CPPED1: variants seen among roughly 807,000 people sequenced by gnomAD.
CPPED1 encodes calcineurin like phosphoesterase domain containing 1.
In CPPED1, 28 loss-of-function variants were observed where a neutral mutation model predicts 28.0. The observed-to-expected ratio is 1.00, with a 90% CI of 0.74 to 1.37. The LOEUF is 1.37. Ranked by LOEUF, CPPED1 falls within the 40% of genes most tolerant of loss-of-function variation. The probability of loss-of-function intolerance (pLI) is 0.00; values close to 1 mark genes in which losing one functional copy is unlikely to be tolerated. For synonymous variants in CPPED1, 198 were observed against 180.2 expected (o/e 1.10, Z -0.79); for missense variants, 504 against 416.5 (o/e 1.21, Z -1.83).
chr16:12,741,302 T>C (rs1400322707), intron 2 of CPPED1, among the ~76,000 whole-genome samples: 3 of 14,586 alleles, frequency 2.1e-4, no homozygotes, highest in Non-Finnish European at 6.5e-4. Flanking sequence ...TGGCTGCCCT[T>C]TTTTTTTTTT....
At chr16:12,742,211 A>G (rs1035938954) in intron 2 of CPPED1, among the ~76,000 whole-genome samples, 3 of 152,220 alleles carry the variant, frequency 2.0e-5, no homozygotes, top group African/African-American at 7.2e-5. Flanking sequence ...TCTTTAACAC[A>G]CTGTAATCAC....
chr16:12,766,875 T>C (rs373513109), intron 2 of CPPED1, among the ~76,000 whole-genome samples: 3 of 152,172 alleles, frequency 2.0e-5, no homozygotes, highest in East Asian at 1.9e-4. Flanking sequence ...CAGACTGCCA[T>C]AGCCGATTTG....
rs2080037041 is a variant in CPPED1 at position 12,704,479 on chromosome 16, C to T, written c.715+145G>A. 5.1e-6 allele frequency: 4 copies of T among 784,978 alleles called. No homozygotes were observed. The East Asian group carries it at 1.0e-4, about 20-fold the overall frequency. 48.6% of individuals were successfully genotyped at this position (784,978 alleles called of 1,614,324 possible). ...AGGATTAACTAGCCAGACATGCAGTCTGCAAGTCCAAGAGCTGGTATCAGA... is the reference window on the plus strand; with the variant it reads ...AGGATTAACTAGCCAGACATGCAGTTTGCAAGTCCAAGAGCTGGTATCAGA... On this transcript the variant is annotated intron_variant, in intron 3 of 3. Transcript: ENST00000381774.
At chr16:12,725,699 A>C (rs936119452) in intron 2 of CPPED1, among the ~76,000 whole-genome samples, 5 of 152,184 alleles carry the variant, frequency 3.3e-5, no homozygotes, top group African/African-American at 1.2e-4. Context: ...CCTCGTGTTC[A>C]AATCTCTCTC....
chr16:12,695,443 A>AG (rs397721968), intron 3 of CPPED1, among the ~76,000 whole-genome samples: 2 of 151,532 alleles, frequency 1.3e-5, no homozygotes, highest in African/African-American at 4.9e-5. Context: ...TAAAAAAAAA[A>AG]TCCTTTTCGC....
chr16:12,768,241 A>G (rs2080450745), intron 2 of CPPED1, among the ~76,000 whole-genome samples: 2 of 152,088 alleles, frequency 1.3e-5, no homozygotes, highest in African/African-American at 4.8e-5. Flanking sequence ...TTTCTTCTCT[A>G]CTGTGTGCTT....
chr16:12,716,236 T>C (rs1159160379), intron 2 of CPPED1, among the ~76,000 whole-genome samples: 1 of 152,254 alleles, frequency 6.6e-6, no homozygotes, highest in African/African-American at 2.4e-5. Flanking sequence ...CTCCTGTATT[T>C]ACCTTCTTTA....
intron 1 of CPPED1, among the ~76,000 whole-genome samples, chr16:12,801,728 T>C (rs759735791): frequency 1.4e-4 from 22 of 152,064 alleles, no homozygotes; most frequent in Non-Finnish European, 2.9e-5. Flanking sequence ...GTCAGGATCC[T>C]TGCAGGAAAT....
chr16:12,798,933 C>T (rs1166081525), intron 1 of CPPED1, among the ~76,000 whole-genome samples: 1 of 152,092 alleles, frequency 6.6e-6, no homozygotes, highest in East Asian at 1.9e-4. Flanking sequence ...TAATCAACAT[C>T]CGTCAACAGA....
intron 2 of CPPED1, among the ~76,000 whole-genome samples, chr16:12,734,271 T>C (rs1040404852): frequency 2.0e-5 from 3 of 152,080 alleles, no homozygotes; most frequent in South Asian, 4.1e-4. Context: ...GGCTTTGCGA[T>C]GTTGGCCAGC....
chr16:12,741,995 G>C (rs550766686), intron 2 of CPPED1, among the ~76,000 whole-genome samples: 1 of 152,084 alleles, frequency 6.6e-6, no homozygotes, highest in African/African-American at 2.4e-5. Context: ...GAACCTGGGA[G>C]GGGGAGGTCA....
chr16:12,731,368 T>A (rs1023608496), intron 2 of CPPED1, among the ~76,000 whole-genome samples: 17 of 149,766 alleles, frequency 1.1e-4, no homozygotes, highest in African/African-American at 4.3e-4. Flanking sequence ...TTAGAAAAAT[T>A]TTTTTTAATT....
chr16:12,789,050 T>C (rs907432247), intron 1 of CPPED1, among the ~76,000 whole-genome samples: 6 of 152,240 alleles, frequency 3.9e-5, no homozygotes, highest in African/African-American at 1.4e-4. Context: ...TATAAACTTC[T>C]GAATTTGTTG....
At chr16:12,739,180 T>A (rs900476087) in intron 2 of CPPED1, among the ~76,000 whole-genome samples, 2 of 152,188 alleles carry the variant, frequency 1.3e-5, no homozygotes, top group African/African-American at 4.8e-5. Context: ...AAAGTGTGCA[T>A]GTAGAATAAG....
intron 1 of CPPED1, among the ~76,000 whole-genome samples, chr16:12,792,155 G>A (rs2080600457): frequency 6.6e-6 from 1 of 152,132 alleles, no homozygotes; most frequent in South Asian, 2.1e-4. Context: ...GTTTCACCAT[G>A]TTGGCCAGAC....
intron 2 of CPPED1, among the ~76,000 whole-genome samples, chr16:12,728,603 G>A (rs1466134162): frequency 2.0e-5 from 3 of 152,150 alleles, no homozygotes; most frequent in African/African-American, 7.2e-5. Context: ...TTACCACATG[G>A]CAGGCACTGA....
At chr16:12,744,672 C>A (rs2080275915) in intron 2 of CPPED1, among the ~76,000 whole-genome samples, 1 of 152,058 alleles carries the variant, frequency 6.6e-6, no homozygotes, top group Non-Finnish European at 1.5e-5. Flanking sequence ...GTGCAGGCAT[C>A]AAAGCATTAA....
intron 1 of CPPED1, among the ~76,000 whole-genome samples, chr16:12,798,700 A>G: frequency 6.6e-6 from 1 of 152,222 alleles, no homozygotes; most frequent in African/African-American, 2.4e-5. Flanking sequence ...CCTAAAAATA[A>G]TTAAGTCACT....
chr16:12,711,412 T>C (rs12445723), intron 2 of CPPED1, among the ~76,000 whole-genome samples: 22,340 of 152,194 alleles, frequency 0.15, 1,795 homozygotes, highest in Admixed American at 0.18. Flanking sequence ...CAGATGGTGA[T>C]GATGGTTGCA....
Sources: allele counts gnomAD v4.1 joint callset (sites outside exome capture counted in the v4.1 genomes callset), GRCh38; gene constraint gnomAD v4.1.1; transcripts MANE v1.5; gene names NCBI Gene and HGNC (gene_info 2026-07-23, HGNC 2026-07-21).